Variants in PRRC2B observed in about 807,000 individuals in gnomAD.
The protein encoded by PRRC2B is protein PRRC2B.
PRRC2B carries 68 observed loss-of-function variants against 242.3 expected under a neutral mutation model. That is an observed-to-expected ratio of 0.28 (90% confidence interval 0.23 to 0.34). The LOEUF (loss-of-function observed/expected upper bound fraction) is 0.34. PRRC2B is among the 10% of genes least tolerant of loss of function. The pLI, the probability that PRRC2B is intolerant of heterozygous loss-of-function variation, is 1.00. For missense variants in PRRC2B, 2,835 were observed against 2,954.8 expected, an observed-to-expected ratio of 0.96 and a Z score of 0.94; for synonymous variants, 1,228 against 1,173.6, an observed-to-expected ratio of 1.05 and a Z score of -0.95.
At chr9:131,452,260 C>T (rs972415965) in intron 9 of PRRC2B, among the ~76,000 whole-genome samples, 6 of 152,322 alleles carry the variant, frequency 3.9e-5, no homozygotes, top group Admixed American at 3.3e-4. Flanking sequence ...AAGTGATCCT[C>T]CTGCCTCACC....
rs1359153062 is a variant in PRRC2B, at chr9:131,409,105, C to G, written c.-52+14842C>G. ...TGGCGCGATCTTGTCTCACTGCAAC[C>G]TCCACCTCCTGAGTTCAAGCGATTC... On this transcript the variant is annotated intron_variant, in intron 1 of 31. Coordinates refer to ENST00000683519, the MANE Select transcript of PRRC2B (RefSeq NM_013318.4). Among the ~76,000 whole-genome samples, 4 of 151,980 alleles carry G rather than the reference C, an allele frequency of 2.6e-5. No homozygotes were observed. In the East Asian group the frequency reaches 5.8e-4, roughly 22 times the overall value.
chr9:131,376,747 C>A (rs1018930592), intron 1 of PRRC2B, among the ~76,000 whole-genome samples: 4 of 152,144 alleles, frequency 2.6e-5, no homozygotes, highest in Admixed American at 1.3e-4. Context: ...GTGCTGGTGC[C>A]TATAATCCCA....
chr9:131,485,671 T>C (rs1944000867), intron 25 of PRRC2B: 2 of 539,010 alleles, frequency 3.7e-6, no homozygotes, highest in South Asian at 2.8e-5. Context: ...CCAGTCTCAG[T>C]GATGTAATTC....
Position 131,495,996 on chromosome 9 carries a change from G to A in PRRC2B, c.*122G>A, listed in dbSNP as rs1944324658. 7.4e-7 allele frequency: 1 copy of A among 1,354,680 alleles called. No homozygotes were observed. Among genetic ancestry groups the A allele is most frequent in the Non-Finnish European group, 1.0e-6 (1 of 999,962 alleles). The allele number at this position is 1,354,680 out of a possible 1,614,324, so 83.9% of individuals were successfully genotyped here. A position where few individuals can be genotyped will look rare whatever the true frequency, so the allele number is the denominator to read the frequency against. ...TCCAAATGCGTGGCCCAGACTGAGA[G>A]ACCTCCCTCCTCTCCACTCCCGAAA... is the stretch of plus-strand genomic sequence containing the variant. On this transcript the variant is annotated 3_prime_UTR_variant, in exon 32 of 32. Coordinates refer to ENST00000683519, the MANE Select transcript of PRRC2B (RefSeq NM_013318.4).
At position 131,486,154 on chromosome 9, in the gene PRRC2B, C is replaced by T. The variant is rs771411161; in HGVS notation, c.5828C>T (p.Thr1943Met). ...FASQPRLVPQ[T>M]IPQQQSYQQA... ...AGTCAGCCCCGGCTGGTTCCTCAAA[C>T]GATACCTCAGCAGCAGAGTTACCAA... The change falls in exon 26 of 32, where the codon ACG (threonine) becomes ATG (methionine). Residue 1943 changes from threonine to methionine, a missense_variant. Thr to Met is a moderately conservative substitution (Grantham distance 81, BLOSUM62 -1). Around this residue, in one of 7 missense-constraint regions of PRRC2B, gnomAD observed 574 missense variants for 626.0 expected, o/e 0.92. Coordinates refer to ENST00000683519, the MANE Select transcript of PRRC2B (RefSeq NM_013318.4). 7 of 1,612,088 alleles carry T rather than the reference C, an allele frequency of 4.3e-6. No individual in the cohort carries two copies. Among genetic ancestry groups the T allele is most frequent in the African/African-American group, 4.0e-5 (3 of 74,876 alleles).
Position 131,436,677 on chromosome 9 carries a change from A to G in PRRC2B, c.351A>G (p.Lys117=), listed in dbSNP as rs1328004657. The change falls in exon 4 of 32, where the codon AAA becomes AAG. Residue 117 remains lysine (K), a synonymous_variant. Coordinates refer to ENST00000683519, the MANE Select transcript of PRRC2B (RefSeq NM_013318.4). ...PESLPQPGLQ[K]SVSNLQKPTQ... is the part of the protein sequence containing the mutation. ...CGCTGCCGCAGCCGGGTTTGCAGAA[A>G]TCTGTCTCCAATTTGCAGAAACCGA... 1 of 1,614,024 alleles carries G rather than the reference A, an allele frequency of 6.2e-7. No individual in the cohort carries two copies.
Position 131,476,500 on chromosome 9 carries a change from G to C in PRRC2B, c.4371G>C (p.Glu1457Asp). ...GTGGTGACACCTCCCCTCGCTATGA[G>C]AGCCAACAGAATGGGACGCCTTTGA... ...PGGGDTSPRY[E>D]SQQNGTPLKV... Residue 1457 changes from glutamate (E) to aspartate (D), a missense_variant, in exon 16 of 32, where the codon GAG becomes GAC. Glu to Asp is a conservative substitution (Grantham distance 45, BLOSUM62 2). Transcript: ENST00000683519. The C allele has an allele frequency of 6.2e-7, 1 of 1,607,708 alleles. No homozygotes were observed. The highest frequency in any genetic ancestry group is 8.5e-7 in the Non-Finnish European group (1 of 1,177,150).
chr9:131,494,584 T>C lies in PRRC2B; in HGVS notation c.6555+98T>C. 4.5e-6 allele frequency: 3 copies of C among 671,758 alleles called. No homozygotes were observed. The highest frequency in any genetic ancestry group is 1.9e-5 in the South Asian group (1 of 53,070). 41.6% of individuals were successfully genotyped at this position (671,758 alleles called of 1,614,324 possible). A position where few individuals can be genotyped will look rare whatever the true frequency, so the allele number is the denominator to read the frequency against. On this transcript the variant is annotated intron_variant, in intron 31 of 31. Transcript: ENST00000683519. This position sits in a 1 kb window ranked among gnomAD's most constrained non-coding sequence, Gnocchi z 4.3. ...CTGTCCAACCTATCTGAGCGCCCCC[T>C]GTCTAAAGACAGCCATGCCCTAGCG...
At position 131,496,055 on chromosome 9, in the gene PRRC2B, T is replaced by A; in HGVS notation, c.*181T>A. The A allele has an allele frequency of 1.3e-6, 1 of 788,540 alleles. No homozygotes were observed. Among genetic ancestry groups the A allele is most frequent in the Non-Finnish European group, 2.0e-6 (1 of 510,796 alleles). The allele number at this position is 788,540 out of a possible 1,614,324, so 48.8% of individuals were successfully genotyped here. A position where few individuals can be genotyped will look rare whatever the true frequency, so the allele number is the denominator to read the frequency against. On this transcript the variant is annotated 3_prime_UTR_variant, in exon 32 of 32. Coordinates refer to ENST00000683519, the MANE Select transcript of PRRC2B (RefSeq NM_013318.4). ...GTCAACCAGCTTGCACCCGTGGATA[T>A]ATGGCATTGACCCGCTTGCTTTGAT...
chr9:131,463,427 TTCTG>T (rs1428780855), intron 11 of PRRC2B, among the ~76,000 whole-genome samples: 1 of 152,068 alleles, frequency 6.6e-6, no homozygotes, highest in Non-Finnish European at 1.5e-5. Context: ...AAATAGGAAG[TTCTG>T]TCTTTTTCTG....
At chr9:131,431,706 C>A (rs1838178571) in intron 2 of PRRC2B, among the ~76,000 whole-genome samples, 1 of 151,974 alleles carries the variant, frequency 6.6e-6, no homozygotes, top group South Asian at 2.1e-4. Context: ...TCCGCCTCAG[C>A]CTCCTGAGTG....
rs1045534504 is a variant in PRRC2B at position 131,490,815 on chromosome 9, T to C, written c.6226-610T>C. 7.6e-5 allele frequency: 24 copies of C among 316,348 alleles called. No homozygotes were observed. The East Asian group carries it at 1.0e-3, about 13-fold the overall frequency. The allele number at this position is 316,348 out of a possible 1,614,324, so 19.6% of individuals were successfully genotyped here. A position where few individuals can be genotyped will look rare whatever the true frequency, so the allele number is the denominator to read the frequency against. ...TGCTGTACAAAGGAATGCAGAGATA[T>C]ACGTCCGATGCAGCTTTCATCTTTT... is the stretch of plus-strand genomic sequence containing the variant. On this transcript the variant is annotated intron_variant, in intron 28 of 31. Coordinates refer to ENST00000683519, the MANE Select transcript of PRRC2B (RefSeq NM_013318.4).
intron 1 of PRRC2B, among the ~76,000 whole-genome samples, chr9:131,398,239 A>G (rs1194623383): frequency 6.6e-6 from 1 of 152,138 alleles, no homozygotes; most frequent in Admixed American, 6.5e-5. Context: ...GGCACGTGGG[A>G]AATCTCTTTT....
At chr9:131,440,141 A>G (rs1368729956) in intron 5 of PRRC2B, among the ~76,000 whole-genome samples, 2 of 152,170 alleles carry the variant, frequency 1.3e-5, no homozygotes, top group African/African-American at 4.8e-5. Context: ...TCCTGGGCTC[A>G]AATGATCCTC....
In PRRC2B at chr9:131,491,443, C is replaced by A; in HGVS notation, c.6244C>A (p.Arg2082=). 3 of 1,606,246 alleles carry A rather than the reference C, an allele frequency of 1.9e-6. No homozygotes were observed. The highest frequency in any genetic ancestry group is 2.5e-6 in the Non-Finnish European group (3 of 1,176,644). ...CCAGCAGCTGACCATGCCACTGCCT[C>A]GGTACGGCTCCGGGCAGCAGCCACT... The part of the protein sequence containing the change: ...QLPQLTMPLP[R]YGSGQQPLIL... The change falls in exon 29 of 32, where the codon CGG becomes AGG. Residue 2082 remains arginine (R), a synonymous_variant. Transcript: ENST00000683519.
chr9:131,418,555 A>T (rs916958547), intron 1 of PRRC2B, among the ~76,000 whole-genome samples: 3 of 152,232 alleles, frequency 2.0e-5, no homozygotes, highest in South Asian at 4.1e-4. Flanking sequence ...TTGCTGCCAG[A>T]GACAGGCCAG....
rs1175437322 is a variant in PRRC2B, at chr9:131,482,074, T to A, written c.4983+266T>A. ...TGGGTGGGAAGAGGGATTCAGGGCC[T>A]CCTCTGAACTGGTGTCAGCAGCCAC... On this transcript the variant is annotated intron_variant, in intron 20 of 31. Transcript: ENST00000683519. The surrounding 1 kb of genome is among the most constrained non-coding windows in gnomAD (Gnocchi z 5.2). 2.0e-5 allele frequency among the ~76,000 whole-genome samples: 3 copies of A among 152,214 alleles called. No homozygotes were observed. The highest frequency in any genetic ancestry group is 4.4e-5 in the Non-Finnish European group (3 of 68,038).
intron 5 of PRRC2B, among the ~76,000 whole-genome samples, chr9:131,443,636 G>C (rs905773983): frequency 3.3e-5 from 5 of 151,896 alleles, no homozygotes; most frequent in Non-Finnish European, 7.4e-5. Context: ...TTGCCATGTT[G>C]CCCAGGCCGG....
intron 1 of PRRC2B, among the ~76,000 whole-genome samples, chr9:131,382,692 T>C (rs1348547056): frequency 6.6e-6 from 1 of 151,584 alleles, no homozygotes; most frequent in Non-Finnish European, 1.5e-5. Flanking sequence ...TCGCCCAGGC[T>C]GGAGTGCAGT....
Sources: gnomAD v4.1 joint callset for allele counts (sites outside exome capture counted in the v4.1 genomes callset) on GRCh38, gnomAD v4.1.1 for gene constraint, gnomAD v4.1.1 regional missense constraint, Gnocchi (gnomAD v3.1) non-coding constraint, MANE v1.5 for transcripts, NCBI Gene and HGNC (gene_info 2026-07-23, HGNC 2026-07-21) for gene names.